ZNF469: variants seen among roughly 807,000 people sequenced by gnomAD.
ZNF469 encodes the protein zinc finger protein 469.
Under a neutral mutation model 1.0 loss-of-function variants are expected in ZNF469, and 1 was observed. That is an observed-to-expected ratio of 1.00 (90% CI 0.35 to 4.73). ZNF469 has a LOEUF of 4.73. Ranked by LOEUF, ZNF469 falls within the 30% of genes most tolerant of loss-of-function variation. The pLI, the probability that ZNF469 is intolerant of heterozygous loss-of-function variation, is 0.16. For missense variants in ZNF469, 6,100 were observed against 5,356.3 expected (o/e 1.14, Z -4.33); for synonymous variants, 2,703 against 2,363.4 (o/e 1.14, Z -4.17).
chr16:88,116,823 C>T, the ZNF469 span, among the ~76,000 whole-genome samples: 4 of 150,924 alleles, frequency 2.7e-5, no homozygotes, highest in South Asian at 2.1e-4. Flanking sequence ...GACTGTGGGT[C>T]GGGGGAGTAG....
Position 88,433,162 on chromosome 16 carries a change from T to G in ZNF469, c.5692T>G (p.Leu1898Val). 1 of 1,550,284 alleles carries G rather than the reference T, an allele frequency of 6.5e-7. No homozygotes were observed. Among genetic ancestry groups the G allele is most frequent in the Non-Finnish European group, 8.7e-7 (1 of 1,146,928 alleles). The stretch of plus-strand genomic sequence containing the variant: ...TAGCAGGAGGTCCCAGGACCCAGCT[T>G]TGAGCCCCCCCATACGTCAGCTCCA... ...HPSRRSQDPA[L>V]SPPIRQLQLP... Residue 1898 changes from leucine to valine, a missense_variant, in exon 3 of 3, where the codon TTG (leucine) becomes GTG (valine). By Grantham distance (32) the Leu-to-Val change is conservative. Transcript: ENST00000565624.
At chr16:88,224,780 C>T in the ZNF469 span, among the ~76,000 whole-genome samples, 10 of 152,272 alleles carry the variant, frequency 6.6e-5, no homozygotes, top group South Asian at 1.0e-3. Context: ...AGCATGTACA[C>T]GTGTCTCTGT....
At chr16:88,357,485 C>G in the ZNF469 span, among the ~76,000 whole-genome samples, 2 of 152,198 alleles carry the variant, frequency 1.3e-5, no homozygotes, top group East Asian at 3.9e-4. Flanking sequence ...GCCACTCCCC[C>G]TCCCTGGGCC....
At chr16:88,157,609 C>A in the ZNF469 span, among the ~76,000 whole-genome samples, 5 of 152,186 alleles carry the variant, frequency 3.3e-5, no homozygotes, top group African/African-American at 9.6e-5. Context: ...CCATGACAGA[C>A]CCTCTCAGGG....
At chr16:88,261,196 G>A in the ZNF469 span, among the ~76,000 whole-genome samples, 19 of 152,330 alleles carry the variant, frequency 1.2e-4, no homozygotes, top group Middle Eastern at 3.4e-3. This position sits in a 1 kb window ranked among gnomAD's most constrained non-coding sequence, Gnocchi z 6.0. Flanking sequence ...CTGCTGATGC[G>A]GGTGGGAGAG....
chr16:88,154,394 G>A, the ZNF469 span, among the ~76,000 whole-genome samples: 1 of 152,202 alleles, frequency 6.6e-6, no homozygotes, highest in South Asian at 2.1e-4. Flanking sequence ...TCAAACTCCT[G>A]ACCTCAAGAG....
chr16:88,166,000 C>T, the ZNF469 span, among the ~76,000 whole-genome samples: 1 of 152,208 alleles, frequency 6.6e-6, no homozygotes, highest in African/African-American at 2.4e-5. Context: ...CCTTGCACAA[C>T]CCCAGAAGCG....
intron 1 of ZNF469, among the ~76,000 whole-genome samples, chr16:88,416,529 A>G (rs1340158186): frequency 6.6e-6 from 1 of 152,184 alleles, no homozygotes; most frequent in Admixed American, 6.5e-5. Flanking sequence ...CTCTGGGCCT[A>G]GCCGGAAGCT....
At chr16:88,114,944 C>T in the ZNF469 span, among the ~76,000 whole-genome samples, 1 of 121,422 alleles carries the variant, frequency 8.2e-6, no homozygotes, top group Admixed American at 8.9e-5. Context: ...ATTTCAGCCG[C>T]CTTTCTCTTG....
the ZNF469 span, among the ~76,000 whole-genome samples, chr16:88,228,245 G>C: frequency 3.3e-5 from 5 of 152,262 alleles, no homozygotes; most frequent in African/African-American, 1.2e-4. Context: ...CTCGCTCCTT[G>C]GTGCTGCCTG....
the ZNF469 span, among the ~76,000 whole-genome samples, chr16:88,336,365 TGA>T: frequency 6.6e-6 from 1 of 151,140 alleles, no homozygotes; most frequent in East Asian, 2.0e-4. Context: ...ATCCTTCACG[TGA>T]GACACTAACA....
chr16:88,106,395 A>G, the ZNF469 span, among the ~76,000 whole-genome samples: 1 of 152,248 alleles, frequency 6.6e-6, no homozygotes, highest in South Asian at 2.1e-4. Context: ...GCTGTCTAGC[A>G]GAGGAGAACC....
At chr16:88,193,153 A>G in the ZNF469 span, among the ~76,000 whole-genome samples, 7 of 13,192 alleles carry the variant, frequency 5.3e-4, no homozygotes, top group Non-Finnish European at 7.3e-4. Flanking sequence ...GGTGGTGGGG[A>G]TGGTGGTGAT....
chr16:88,235,312 C>T, the ZNF469 span, among the ~76,000 whole-genome samples: 5 of 152,222 alleles, frequency 3.3e-5, no homozygotes, highest in African/African-American at 4.8e-5. Context: ...CGGCTCATTT[C>T]TTTGGGTTCA....
the ZNF469 span, among the ~76,000 whole-genome samples, chr16:88,307,046 T>C: frequency 6.6e-6 from 1 of 152,194 alleles, no homozygotes; most frequent in Non-Finnish European, 1.5e-5. Context: ...CCAATCCACT[T>C]CCTGCCTCCA....
At chr16:88,296,079 C>T in the ZNF469 span, among the ~76,000 whole-genome samples, 3 of 152,306 alleles carry the variant, frequency 2.0e-5, no homozygotes, top group Non-Finnish European at 4.4e-5. Flanking sequence ...CGAGCCCGCC[C>T]GGCTGCGCCT....
chr16:88,313,460 A>G, the ZNF469 span, among the ~76,000 whole-genome samples: 1 of 152,140 alleles, frequency 6.6e-6, no homozygotes, highest in Non-Finnish European at 1.5e-5. Flanking sequence ...TTATTTCACT[A>G]TCTGTAATTA....
At chr16:88,332,620 T>C in the ZNF469 span, among the ~76,000 whole-genome samples, 1 of 152,198 alleles carries the variant, frequency 6.6e-6, no homozygotes, top group Non-Finnish European at 1.5e-5. Context: ...GCATAGGCCA[T>C]GTGAGGCAGG....
the ZNF469 span, among the ~76,000 whole-genome samples, chr16:88,209,220 C>T: frequency 6.6e-6 from 1 of 152,204 alleles, no homozygotes; most frequent in Non-Finnish European, 1.5e-5. Context: ...CACTGTCCCT[C>T]ACCTCCTGTG....
Sources: allele counts gnomAD v4.1 joint callset (sites outside exome capture counted in the v4.1 genomes callset), GRCh38; gene constraint gnomAD v4.1.1; non-coding constraint Gnocchi (gnomAD v3.1); transcripts MANE v1.5; gene names NCBI Gene and HGNC (gene_info 2026-07-23, HGNC 2026-07-21).